The following ARHGEF11 variants were observed in gnomAD, a reference collection of about 807,000 sequenced individuals.
ARHGEF11 encodes the protein Rho guanine nucleotide exchange factor 11, also known as Rho guanine exchange factor (GEF) 11.
ARHGEF11 carries 55 observed loss-of-function variants against 193.7 expected under a neutral mutation model. The observed-to-expected ratio is 0.28, with a 90% confidence interval of 0.23 to 0.36. ARHGEF11 has a LOEUF of 0.36. ARHGEF11 is among the 10% of genes least tolerant of loss of function. The pLI is 1.00. For synonymous variants in ARHGEF11, 693 were observed against 768.0 expected, an observed-to-expected ratio of 0.90 and a Z score of 1.62; for missense variants, 1,723 against 2,005.6, an observed-to-expected ratio of 0.86 and a Z score of 2.69.
intron 1 of ARHGEF11, among the ~76,000 whole-genome samples, chr1:157,023,021 A>G (rs558019710): frequency 5.3e-5 from 8 of 152,364 alleles, no homozygotes; most frequent in African/African-American, 1.7e-4. Context: ...ACCATAGACT[A>G]TATGAGTTAA....
intron 1 of ARHGEF11, among the ~76,000 whole-genome samples, chr1:156,992,562 T>C (rs1270901138): frequency 6.6e-6 from 1 of 152,134 alleles, no homozygotes; most frequent in Non-Finnish European, 1.5e-5. Context: ...CATATCCTTT[T>C]TGTTGGTCTG....
intron 36 of ARHGEF11, 144 bp downstream of exon 36, chr1:156,940,063 G>T: frequency 7.1e-7 from 1 of 1,412,836 alleles, no homozygotes; most frequent in Non-Finnish European, 9.5e-7. Context: ...GTTGGGTGGG[G>T]AATGACATCT....
intron 11 of ARHGEF11, among the ~76,000 whole-genome samples, chr1:156,967,570 G>GT (rs112972037): frequency 1.5e-3 from 225 of 146,836 alleles, no homozygotes; most frequent in African/African-American, 1.8e-3. Context: ...GGGGAGCTGA[G>GT]TTTTTTTTTT....
chr1:156,950,642 T>C (rs575735444), intron 22 of ARHGEF11, among the ~76,000 whole-genome samples: 38 of 151,706 alleles, frequency 2.5e-4, no homozygotes, highest in Middle Eastern at 6.8e-3. Context: ...CCTGTCTCTT[T>C]AAAAAAGAAA....
In ARHGEF11 at chr1:156,948,472, C is replaced by T. The variant is rs1023373233; in HGVS notation, c.1952G>A (p.Arg651His). 1.9e-6 allele frequency: 3 copies of T among 1,614,102 alleles called. No homozygotes were observed. Reference sequence around the variant, plus strand: ...TTCCCGGCCCTTGAGGCTTTCAGAGCGGCCCAGGCGAATCTCTGAGCGTGA... The same window carrying T: ...TTCCCGGCCCTTGAGGCTTTCAGAGTGGCCCAGGCGAATCTCTGAGCGTGA... ...DSSRSEIRLG[R>H]SESLKGREEM... is the part of the protein sequence containing the mutation. Residue 651 changes from arginine to histidine, a missense_variant, in exon 23 of 41, where the codon CGC becomes CAC. This residue lies in a region of ARHGEF11 where 491 missense variants were observed against 654.5 expected (regional missense o/e 0.75). Transcript: ENST00000368194. The surrounding 1 kb of genome is among the most constrained non-coding windows in gnomAD (Gnocchi z 4.2).
rs1660184180 is a variant in ARHGEF11 at position 156,957,824 on chromosome 1, GAAGA to G, written c.1503-13_1503-10del. ...CTTCCTCATACTTGGACCTGGAATG[GAAGA>G]AAGAACAGATGACTCAGACTGCAAA... is the stretch of plus-strand genomic sequence containing the variant. On this transcript the variant is annotated splice_polypyrimidine_tract_variant and intron_variant, in intron 17 of 40. Transcript: ENST00000368194. The G allele has an allele frequency of 1.2e-6, 2 of 1,613,896 alleles. No individual in the cohort carries two copies. Among genetic ancestry groups the G allele is most frequent in the Middle Eastern group, 1.6e-4 (1 of 6,084 alleles).
rs199795185 is a variant in ARHGEF11, at chr1:156,969,991, G to T, written c.748+7C>A. ...GCCAGAGAAAAAAGGGGTGATGGGG[G>T]ACTTACCTTCTGATGGTCTCTGGCT... On this transcript the variant is annotated splice_region_variant and intron_variant, in intron 9 of 40. Transcript: ENST00000368194. 475 of 1,613,938 alleles carry T rather than the reference G, an allele frequency of 2.9e-4. 2 individuals carry two copies. The Middle Eastern group carries it at 4.0e-3, about 13-fold the overall frequency.
At chr1:156,967,873 T>G in intron 11 of ARHGEF11, 114 bp downstream of exon 11, 1 of 1,452,934 alleles carries the variant, frequency 6.9e-7, no homozygotes, top group Non-Finnish European at 9.6e-7. Flanking sequence ...AAAGTTTGGG[T>G]TGCTGAAGCA....
intron 1 of ARHGEF11, among the ~76,000 whole-genome samples, chr1:156,987,275 T>C (rs1013557009): frequency 6.6e-6 from 1 of 152,220 alleles, no homozygotes; most frequent in Non-Finnish European, 1.5e-5. Flanking sequence ...ATGTTCACAA[T>C]GAGTGACTGG....
At position 156,964,247 on chromosome 1, in the gene ARHGEF11, G is replaced by A. The variant is rs577154751; in HGVS notation, c.964-653C>T. On this transcript the variant is annotated intron_variant, in intron 11 of 40. Transcript: ENST00000368194. ...TGGCTTTCCTTTCTTTCCCCCTTAC[G>A]CTAATTTAAATAAAAACCTAATCTT... Among the ~76,000 whole-genome samples, 76 of 152,110 alleles carry A rather than the reference G, an allele frequency of 5.0e-4. 1 individual carries two copies. The highest frequency in any genetic ancestry group is 3.4e-3 in the Middle Eastern group (1 of 294).
intron 1 of ARHGEF11, among the ~76,000 whole-genome samples, chr1:156,994,989 A>T (rs917533393): frequency 6.7e-6 from 1 of 150,152 alleles, no homozygotes; most frequent in African/African-American, 2.5e-5. Context: ...GCACTTGCTC[A>T]CGCCAGAAAT....
At position 156,978,394 on chromosome 1, in the gene ARHGEF11, CAG is replaced by C. The variant is rs772677289; in HGVS notation, c.332-14_332-13del. 3.8e-6 allele frequency: 6 copies of C among 1,576,532 alleles called. No homozygotes were observed. Among genetic ancestry groups the C allele is most frequent in the Admixed American group, 3.7e-5 (2 of 54,758 alleles). On this transcript the variant is annotated splice_polypyrimidine_tract_variant and intron_variant, in intron 5 of 40. Transcript: ENST00000368194. ...GACATAGGCGCCAGCTAGAGGGAAA[CAG>C]AGAGAGACTTGTTCCAGGAGTGCTG...
intron 32 of ARHGEF11, among the ~76,000 whole-genome samples, chr1:156,943,530 C>T (rs540094152): frequency 6.6e-6 from 1 of 152,340 alleles, no homozygotes; most frequent in African/African-American, 2.4e-5. Context: ...GTCCACTGGA[C>T]CCAGCTCTGT....
chr1:157,024,439 T>C (rs549786877), intron 1 of ARHGEF11, among the ~76,000 whole-genome samples: 49 of 152,278 alleles, frequency 3.2e-4, no homozygotes, highest in African/African-American at 1.2e-3. Flanking sequence ...AGAATATACA[T>C]GAAAATTCTC....
rs1440519382 is a variant in ARHGEF11, at chr1:156,940,268, G to C, written c.3672C>G (p.Ile1224Met). 6.2e-7 allele frequency: 1 copy of C among 1,612,324 alleles called. No homozygotes were observed. Among genetic ancestry groups the C allele is most frequent in the Non-Finnish European group, 8.5e-7 (1 of 1,178,812 alleles). The part of the protein sequence containing the change: ...ENRGIRTRNP[I>M]HLAFPGPLFM... ...ACAGAGGGCCTGGGAAGGCCAAGTG[G>C]ATGGGGTTCCTTGTCCTGATGCCCC... The change falls in exon 36 of 41, where the codon ATC (isoleucine) becomes ATG (methionine). Residue 1224 changes from isoleucine (I) to methionine (M), a missense_variant. By Grantham distance (10) the Ile-to-Met change is conservative. Coordinates refer to ENST00000368194, the MANE Select transcript of ARHGEF11 (RefSeq NM_198236.3).
intron 2 of ARHGEF11, among the ~76,000 whole-genome samples, chr1:156,984,754 C>A (rs1159943484): frequency 1.3e-5 from 2 of 152,106 alleles, no homozygotes; most frequent in African/African-American, 2.4e-5. Flanking sequence ...AGGGGTAGGA[C>A]CAGGTCTAGC....
intron 1 of ARHGEF11, among the ~76,000 whole-genome samples, chr1:156,990,058 T>G (rs1490270210): frequency 6.6e-6 from 1 of 152,226 alleles, no homozygotes; most frequent in Non-Finnish European, 1.5e-5. Context: ...TATTAAGTTC[T>G]TTGTAGCTAT....
chr1:156,972,912 C>T (rs1385418402), intron 7 of ARHGEF11, among the ~76,000 whole-genome samples: 2 of 152,218 alleles, frequency 1.3e-5, no homozygotes, highest in African/African-American at 4.8e-5. Flanking sequence ...GGCTCCTTCT[C>T]TCCATCCTAC....
chr1:156,948,488 C>CT lies in ARHGEF11; in HGVS notation c.1935dup (p.Glu646ArgfsTer8). 6.2e-7 allele frequency: 1 copy of CT among 1,614,204 alleles called. No individual in the cohort carries two copies. The highest frequency in any genetic ancestry group is 8.5e-7 in the Non-Finnish European group (1 of 1,180,028). On this transcript the variant is annotated frameshift_variant, in exon 23 of 41. Transcript: ENST00000368194. LOFTEE classifies it high-confidence loss of function. The surrounding 1 kb of genome is among the most constrained non-coding windows in gnomAD (Gnocchi z 4.2). ...CTTTCAGAGCGGCCCAGGCGAATCT[C>CT]TGAGCGTGAACTGGGGGGAAGGGAC...
Sources: gnomAD v4.1 joint callset for allele counts (sites outside exome capture counted in the v4.1 genomes callset) on GRCh38, gnomAD v4.1.1 for gene constraint, gnomAD v4.1.1 regional missense constraint, Gnocchi (gnomAD v3.1) non-coding constraint, MANE v1.5 for transcripts, NCBI Gene and HGNC (gene_info 2026-07-23, HGNC 2026-07-21) for gene names.